Variants in NRG3 observed in about 807,000 individuals in gnomAD.
The protein encoded by NRG3 is neuregulin 3.
A neutral mutation model predicts 66.9 loss-of-function variants in NRG3; 31 were observed. The ratio of observed to expected loss-of-function variants is 0.46; its 90% CI spans 0.35 to 0.63. NRG3 has a LOEUF of 0.63. Ranked by LOEUF, NRG3 falls within the 20% of genes least tolerant of loss-of-function variation. NRG3 has a pLI of 0.00. For synonymous variants in NRG3, 393 were observed against 359.4 expected (o/e 1.09, Z -1.06); for missense variants, 910 against 878.9 (o/e 1.04, Z -0.45).
intron 3 of NRG3, among the ~76,000 whole-genome samples, chr10:82,832,833 T>TGC (rs2062595993): frequency 6.6e-6 from 1 of 151,966 alleles, no homozygotes; most frequent in African/African-American, 2.4e-5. Flanking sequence ...TGTGTGTGTG[T>TGC]GTTTCTGAAC....
chr10:82,966,676 A>G (rs1468125018), intron 6 of NRG3, among the ~76,000 whole-genome samples: 1 of 152,184 alleles, frequency 6.6e-6, no homozygotes, highest in African/African-American at 2.4e-5. Flanking sequence ...TTAAGTATCT[A>G]CATAAGTTAT....
rs550420328 is a variant in NRG3, at chr10:82,957,561, G to T, written c.1158-1388G>T. Among the ~76,000 whole-genome samples, 7 of 152,038 alleles carry T rather than the reference G, an allele frequency of 4.6e-5. No individual in the cohort carries two copies. In the South Asian group the frequency reaches 1.5e-3, roughly 32 times the overall value. On this transcript the variant is annotated intron_variant, in intron 5 of 8. Coordinates refer to ENST00000372141, the MANE Select transcript of NRG3 (RefSeq NM_001010848.4). ...GAAGGGAGCAGTCACGTAGGCAAAT[G>T]CCTGATTACAAGAACTATCACAAAA...
At chr10:81,948,986 C>G (rs61862900) in intron 1 of NRG3, among the ~76,000 whole-genome samples, 18 of 152,120 alleles carry the variant, frequency 1.2e-4, no homozygotes, top group Non-Finnish European at 1.8e-4. Context: ...TTCTAGTTGT[C>G]CTCTCCCCAG....
intron 1 of NRG3, among the ~76,000 whole-genome samples, chr10:82,202,859 A>G (rs2074917489): frequency 6.6e-6 from 1 of 152,232 alleles, no homozygotes; most frequent in South Asian, 2.1e-4. Flanking sequence ...CATGTGTCAT[A>G]AAAATTACTG....
intron 4 of NRG3, among the ~76,000 whole-genome samples, chr10:82,936,147 C>T (rs1317926380): frequency 6.6e-6 from 1 of 151,944 alleles, no homozygotes; most frequent in African/African-American, 2.4e-5. Flanking sequence ...ATGTATTAAC[C>T]TTTAAAGTTT....
intron 1 of NRG3, among the ~76,000 whole-genome samples, chr10:82,042,931 C>G (rs565136923): frequency 6.6e-6 from 1 of 152,036 alleles, no homozygotes; most frequent in South Asian, 2.1e-4. Context: ...TGGCAACATT[C>G]GCAAAACATT....
chr10:82,006,716 T>C (rs2061389485), intron 1 of NRG3, among the ~76,000 whole-genome samples: 1 of 152,172 alleles, frequency 6.6e-6, no homozygotes, highest in Admixed American at 6.5e-5. Context: ...CTCAGACATT[T>C]GTCATAGGCT....
intron 2 of NRG3, among the ~76,000 whole-genome samples, chr10:82,565,749 T>C (rs1309058113): frequency 1.3e-5 from 2 of 152,086 alleles, no homozygotes; most frequent in Non-Finnish European, 2.9e-5. Context: ...TATTAAATTT[T>C]GACTATTTCA....
intron 1 of NRG3, among the ~76,000 whole-genome samples, chr10:82,194,640 A>G (rs2074351313): frequency 6.6e-6 from 1 of 152,128 alleles, no homozygotes; most frequent in Admixed American, 6.5e-5. Context: ...CATGAGTCAG[A>G]CAGTGGTCTG....
chr10:82,374,549 A>G (rs999231795), intron 2 of NRG3, among the ~76,000 whole-genome samples: 1 of 152,246 alleles, frequency 6.6e-6, no homozygotes, highest in Non-Finnish European at 1.5e-5. Flanking sequence ...GAAACAGTGA[A>G]TAAGACTAGT....
chr10:82,774,833 T>C (rs566449977), intron 3 of NRG3, among the ~76,000 whole-genome samples: 16 of 140,182 alleles, frequency 1.1e-4, no homozygotes, highest in Non-Finnish European at 2.2e-4. Context: ...TTTTTTTTTT[T>C]TTTTTTTTTG....
At chr10:82,657,725 A>G (rs1046168267) in intron 2 of NRG3, among the ~76,000 whole-genome samples, 1 of 152,180 alleles carries the variant, frequency 6.6e-6, no homozygotes, top group Admixed American at 6.5e-5. Context: ...GGCATTGAAA[A>G]GACAACAGGA....
chr10:82,423,378 A>G (rs1049322507), intron 2 of NRG3, among the ~76,000 whole-genome samples: 3 of 151,904 alleles, frequency 2.0e-5, no homozygotes, highest in Non-Finnish European at 1.5e-5. Context: ...GATCCACTAC[A>G]TTGTTGTTGA....
intron 1 of NRG3, among the ~76,000 whole-genome samples, chr10:82,311,486 T>C (rs1163403781): frequency 2.0e-5 from 3 of 152,174 alleles, no homozygotes; most frequent in African/African-American, 7.2e-5. Context: ...ACTCACTGGC[T>C]GTGCTGAAAT....
intron 1 of NRG3, among the ~76,000 whole-genome samples, chr10:82,312,758 A>C (rs1384120725): frequency 6.6e-6 from 1 of 152,146 alleles, no homozygotes; most frequent in African/African-American, 2.4e-5. Context: ...TAGATAAATT[A>C]CAACTCCCTT....
intron 2 of NRG3, among the ~76,000 whole-genome samples, chr10:82,736,639 G>C (rs2058168636): frequency 6.6e-6 from 1 of 152,124 alleles, no homozygotes; most frequent in Non-Finnish European, 1.5e-5. Context: ...CCTCAAGGTG[G>C]GTTAGCACTC....
chr10:82,168,832 A>G (rs568562999), intron 1 of NRG3, among the ~76,000 whole-genome samples: 68 of 152,178 alleles, frequency 4.5e-4, no homozygotes, highest in Admixed American at 1.3e-3. Flanking sequence ...ATTTTCTCAG[A>G]TTTTGGAATT....
At chr10:82,044,443 G>T (rs959147246) in intron 1 of NRG3, among the ~76,000 whole-genome samples, 50 of 152,000 alleles carry the variant, frequency 3.3e-4, no homozygotes, top group African/African-American at 1.1e-3. Context: ...GGATGTGAGA[G>T]AAAACAAGAA....
chr10:82,559,473 T>A (rs895853713), intron 2 of NRG3, among the ~76,000 whole-genome samples: 1 of 152,142 alleles, frequency 6.6e-6, no homozygotes, highest in Non-Finnish European at 1.5e-5. Flanking sequence ...GGAATGGGCC[T>A]CTATTATGAG....
Sources: allele counts gnomAD v4.1 joint callset (sites outside exome capture counted in the v4.1 genomes callset), GRCh38; gene constraint gnomAD v4.1.1; transcripts MANE v1.5; gene names NCBI Gene and HGNC (gene_info 2026-07-23, HGNC 2026-07-21).